The following UNC5D variants were observed in gnomAD, a reference collection of about 807,000 sequenced individuals.
UNC5D encodes the protein netrin receptor UNC5D.
Under a neutral mutation model 105.4 loss-of-function variants are expected in UNC5D, and 39 were observed. The ratio of observed to expected loss-of-function variants is 0.37; its 90% CI spans 0.29 to 0.48. The LOEUF (loss-of-function observed/expected upper bound fraction) is 0.48, where lower values mean the gene tolerates loss of function less well. Ranked by LOEUF, UNC5D falls within the 20% of genes least tolerant of loss-of-function variation. UNC5D has a pLI of 0.98. For synonymous variants in UNC5D, 452 were observed against 450.4 expected (o/e 1.00, Z -0.04); for missense variants, 991 against 1,202.4 (o/e 0.82, Z 2.60).
intron 1 of UNC5D, among the ~76,000 whole-genome samples, chr8:35,381,693 G>A (rs1803053078): frequency 2.0e-5 from 3 of 152,090 alleles, no homozygotes; most frequent in South Asian, 4.2e-4. Context: ...AGTTTAGATA[G>A]CACTTATTAA....
At chr8:35,779,714 C>T (rs1802416953) in intron 16 of UNC5D, among the ~76,000 whole-genome samples, 1 of 152,134 alleles carries the variant, frequency 6.6e-6, no homozygotes, top group Non-Finnish European at 1.5e-5. Context: ...CCTCGGCCTC[C>T]CAAAGTGCTG....
chr8:35,290,824 T>C lies in UNC5D; in HGVS notation c.103+54937T>C, dbSNP rs539339017. 6.6e-5 allele frequency among the ~76,000 whole-genome samples: 10 copies of C among 151,920 alleles called. No individual in the cohort carries two copies. The East Asian group carries it at 2.0e-3, about 30-fold the overall frequency. ...TTAGCCAGGTGTGGTAGTGCGTGCC[T>C]GTAATCCCAGCTACTCAGGAGGCTG... On this transcript the variant is annotated intron_variant, in intron 1 of 16. Transcript: ENST00000404895.
At chr8:35,620,569 G>T (rs554998673) in intron 4 of UNC5D, among the ~76,000 whole-genome samples, 30 of 152,140 alleles carry the variant, frequency 2.0e-4, no homozygotes, top group Admixed American at 5.2e-4. Flanking sequence ...CTGTGTGCCT[G>T]TGTGCAGTTG....
At chr8:35,298,155 A>G (rs538951722) in intron 1 of UNC5D, among the ~76,000 whole-genome samples, 3 of 151,840 alleles carry the variant, frequency 2.0e-5, no homozygotes, top group South Asian at 4.2e-4. Context: ...CTCTGTCCCA[A>G]TGATCTGGAC....
chr8:35,281,412 CT>C (rs919305661), intron 1 of UNC5D, among the ~76,000 whole-genome samples: 22 of 50,030 alleles, frequency 4.4e-4, no homozygotes, highest in East Asian at 4.4e-3. Context: ...TCTTTTAATA[CT>C]TTTTTTTTCT....
At chr8:35,608,697 G>A (rs868756924) in intron 4 of UNC5D, among the ~76,000 whole-genome samples, 2 of 152,286 alleles carry the variant, frequency 1.3e-5, no homozygotes, top group South Asian at 4.1e-4. Flanking sequence ...GTCTTTGTCT[G>A]AGTCATTCCA....
intron 8 of UNC5D, among the ~76,000 whole-genome samples, chr8:35,708,370 T>C (rs1827730585): frequency 6.6e-6 from 1 of 152,248 alleles, no homozygotes; most frequent in Non-Finnish European, 1.5e-5. Context: ...CAATTACGTT[T>C]CCTAATGTAC....
intron 1 of UNC5D, among the ~76,000 whole-genome samples, chr8:35,332,104 C>T (rs1585604015): frequency 6.6e-6 from 1 of 152,170 alleles, no homozygotes; most frequent in Non-Finnish European, 1.5e-5. Flanking sequence ...AATGACTCAG[C>T]AAGGGCATTT....
intron 1 of UNC5D, among the ~76,000 whole-genome samples, chr8:35,264,408 C>T (rs982913511): frequency 1.1e-4 from 16 of 151,784 alleles, no homozygotes; most frequent in Middle Eastern, 3.4e-3. Context: ...GTGGCTGCAC[C>T]AAGCTTTGGC....
In UNC5D at chr8:35,705,254, C is replaced by G. The variant is rs571522570; in HGVS notation, c.1085-675C>G. On this transcript the variant is annotated intron_variant, in intron 7 of 16. Transcript: ENST00000404895. ...GCTGGGATTATAGGCGTGAGCCACC[C>G]TGCCCAACCTAATGCCTCTTCTCTT... Among the ~76,000 whole-genome samples the G allele has an allele frequency of 4.3e-4, 66 of 152,274 alleles. 1 individual carries two copies. The South Asian group carries it at 0.012, about 27-fold the overall frequency.
chr8:35,732,094 A>G (rs780964412), intron 11 of UNC5D, among the ~76,000 whole-genome samples: 6 of 152,218 alleles, frequency 3.9e-5, no homozygotes, highest in Non-Finnish European at 8.8e-5. Flanking sequence ...ATTTTTAGTT[A>G]TAACATCTTG....
intron 8 of UNC5D, among the ~76,000 whole-genome samples, chr8:35,712,081 G>T (rs1827998949): frequency 6.6e-6 from 1 of 152,124 alleles, no homozygotes; most frequent in South Asian, 2.1e-4. Flanking sequence ...GACCAGCCTG[G>T]TCAATATGGT....
chr8:35,728,077 A>G (rs1342808164), intron 10 of UNC5D, among the ~76,000 whole-genome samples: 2 of 130,100 alleles, frequency 1.5e-5, no homozygotes, highest in African/African-American at 7.4e-5. Flanking sequence ...TCTCTAAAAA[A>G]AAAAAAAAAA....
chr8:35,352,884 A>G (rs1027163687), intron 1 of UNC5D, among the ~76,000 whole-genome samples: 1 of 152,126 alleles, frequency 6.6e-6, no homozygotes, highest in African/African-American at 2.4e-5. Context: ...AAGTGCTGCA[A>G]TTACAGGCGT....
At chr8:35,254,666 T>G (rs1285656837) in intron 1 of UNC5D, 1 of 152,238 alleles carries the variant, frequency 6.6e-6, no homozygotes, top group Non-Finnish European at 1.5e-5. Flanking sequence ...CATGTGCTAC[T>G]GTCCATAGAT....
intron 1 of UNC5D, among the ~76,000 whole-genome samples, chr8:35,271,206 TA>T (rs1420452176): frequency 6.7e-6 from 1 of 148,492 alleles, no homozygotes; most frequent in Non-Finnish European, 1.5e-5. Flanking sequence ...TATTTAAATA[TA>T]AATCTAAAAA....
chr8:35,388,718 A>G (rs976516087), intron 1 of UNC5D, among the ~76,000 whole-genome samples: 2 of 152,188 alleles, frequency 1.3e-5, no homozygotes, highest in Non-Finnish European at 2.9e-5. Context: ...TTGTGGCTAT[A>G]AAGATGATGA....
chr8:35,596,239 G>A (rs1819485257), intron 4 of UNC5D, among the ~76,000 whole-genome samples: 1 of 152,132 alleles, frequency 6.6e-6, no homozygotes, highest in Non-Finnish European at 1.5e-5. Context: ...GAGTCACAAT[G>A]TTTTTTGCTT....
At chr8:35,511,187 A>T (rs1453315889) in intron 1 of UNC5D, among the ~76,000 whole-genome samples, 1 of 152,186 alleles carries the variant, frequency 6.6e-6, no homozygotes, top group Non-Finnish European at 1.5e-5. Context: ...TGGGCTGTGA[A>T]ATCCTGAGAT....
Sources: allele counts gnomAD v4.1 joint callset (sites outside exome capture counted in the v4.1 genomes callset), GRCh38; gene constraint gnomAD v4.1.1; transcripts MANE v1.5; gene names NCBI Gene and HGNC (gene_info 2026-07-23, HGNC 2026-07-21).